The following ITGA11 variants were observed in gnomAD, a reference collection of about 807,000 sequenced individuals.
The protein encoded by ITGA11 is integrin alpha-11.
ITGA11 carries 97 observed loss-of-function variants against 141.9 expected under a neutral mutation model. The observed-to-expected ratio is 0.68, with a 90% confidence interval of 0.58 to 0.81. The LOEUF (loss-of-function observed/expected upper bound fraction) is 0.81, where lower values mean the gene tolerates loss of function less well. ITGA11 is among the 30% of genes least tolerant of loss of function. The pLI, the probability that ITGA11 is intolerant of heterozygous loss-of-function variation, is 0.00. For synonymous variants in ITGA11, 658 were observed against 624.6 expected, an observed-to-expected ratio of 1.05 and a Z score of -0.80; for missense variants, 1,387 against 1,559.2, an observed-to-expected ratio of 0.89 and a Z score of 1.86.
intron 24 of ITGA11, 130 bp downstream of exon 24, chr15:68,312,643 G>A (rs147103346): frequency 5.7e-5 from 37 of 654,336 alleles, no homozygotes; most frequent in South Asian, 5.5e-4. Flanking sequence ...GACTAAAGTC[G>A]CACAGTGGGT....
chr15:68,325,692 C>T lies in ITGA11; in HGVS notation c.2212-451G>A, dbSNP rs1893952770. On this transcript the variant is annotated intron_variant, in intron 17 of 29. Coordinates refer to ENST00000315757, the MANE Select transcript of ITGA11 (RefSeq NM_001004439.2). This position sits in a 1 kb window ranked among gnomAD's most constrained non-coding sequence, Gnocchi z 5.5. Reference sequence around the variant, plus strand: ...TAGGCCTGGAGCCTCCCAGCATGGCCCTAGCACTGTGATAAGGGCTTCAGC... The same window carrying T: ...TAGGCCTGGAGCCTCCCAGCATGGCTCTAGCACTGTGATAAGGGCTTCAGC... Among the ~76,000 whole-genome samples, 1 of 152,200 alleles carries T rather than the reference C, an allele frequency of 6.6e-6. No individual in the cohort carries two copies. Among genetic ancestry groups the T allele is most frequent in the Non-Finnish European group, 1.5e-5 (1 of 68,038 alleles).
chr15:68,429,713 C>T lies in ITGA11; in HGVS notation c.52+2302G>A, dbSNP rs140362083. Among the ~76,000 whole-genome samples, 28 of 152,320 alleles carry T rather than the reference C, an allele frequency of 1.8e-4. No homozygotes were observed. In the East Asian group the frequency reaches 5.4e-3, roughly 29 times the overall value. ...GCCTGAGGAGTGAACCCAATGATCC[C>T]TGAGACCCTTCTAGTCTTCAAAGTC... is the stretch of plus-strand genomic sequence containing the variant. On this transcript the variant is annotated intron_variant, in intron 1 of 29. Transcript: ENST00000315757.
rs145222645 is a variant in ITGA11, at chr15:68,377,076, G to A, written c.165-7792C>T. Among the ~76,000 whole-genome samples the A allele has an allele frequency of 2.6e-4, 39 of 152,234 alleles. No individual in the cohort carries two copies. The East Asian group carries it at 6.6e-3, about 26-fold the overall frequency. On this transcript the variant is annotated intron_variant, in intron 2 of 29. Transcript: ENST00000315757. ...CCACAGCCATCTCTGACCATCTAGCGCACCCAGATTGATTTTATCTATTTA... is the reference window on the plus strand; with the variant it reads ...CCACAGCCATCTCTGACCATCTAGCACACCCAGATTGATTTTATCTATTTA...
intron 4 of ITGA11, among the ~76,000 whole-genome samples, chr15:68,363,930 A>G (rs1331040190): frequency 2.0e-5 from 3 of 152,154 alleles, no homozygotes; most frequent in African/African-American, 7.2e-5. Flanking sequence ...GTCCTATTAG[A>G]CATTACTCGT....
rs374813712 is a variant in ITGA11, at chr15:68,332,470, A to G, written c.1434T>C (p.Ser478=). The G allele has an allele frequency of 3.8e-5, 62 of 1,612,486 alleles. No individual in the cohort carries two copies. The highest frequency in any genetic ancestry group is 4.9e-5 in the Non-Finnish European group (58 of 1,179,370). The change falls in exon 13 of 30, where the codon TCT becomes TCC. Residue 478 remains serine (S), a synonymous_variant. Coordinates refer to ENST00000315757, the MANE Select transcript of ITGA11 (RefSeq NM_001004439.2). The part of the protein sequence containing the change: ...HQAMRGQQIG[S]YFGSEITSVD... Reference sequence around the variant, plus strand: ...CCGAGGTGATTTCACTCCCAAAGTAAGAGCCTATCTGCGGCACGTGATGGG... The same window carrying G: ...CCGAGGTGATTTCACTCCCAAAGTAGGAGCCTATCTGCGGCACGTGATGGG...
intron 3 of ITGA11, chr15:68,365,054 T>G: frequency 1.2e-6 from 1 of 822,104 alleles, no homozygotes; most frequent in Non-Finnish European, 1.5e-6. Flanking sequence ...TCACCGAGCC[T>G]TCTATCTCCT....
intron 16 of ITGA11, among the ~76,000 whole-genome samples, chr15:68,327,469 GTCTCT>G (rs1018691133): frequency 4.6e-5 from 7 of 152,322 alleles, no homozygotes; most frequent in Non-Finnish European, 7.4e-5. Flanking sequence ...CTTCCCTTTG[GTCTCT>G]TCTTTGTCTG....
Position 68,313,992 on chromosome 15 carries a change from G to C in ITGA11, c.2793-124C>G, listed in dbSNP as rs370711647. The stretch of plus-strand genomic sequence containing the variant: ...TCTGGGGCTGATGGGCACCAGACAG[G>C]CCAGACAGGGAACCTGAGGCATCTC... On this transcript the variant is annotated intron_variant, in intron 22 of 29. Coordinates refer to ENST00000315757, the MANE Select transcript of ITGA11 (RefSeq NM_001004439.2). 4.5e-4 allele frequency: 318 copies of C among 704,578 alleles called. 1 individual carries two copies. The African/African-American group carries it at 5.0e-3, about 11-fold the overall frequency. 43.6% of individuals were successfully genotyped at this position (704,578 alleles called of 1,614,324 possible). A position where few individuals can be genotyped will look rare whatever the true frequency, so the allele number is the denominator to read the frequency against.
Position 68,322,057 on chromosome 15 carries a change from C to T in ITGA11, c.2323-554G>A, listed in dbSNP as rs112321220. 3.2e-4 allele frequency among the ~76,000 whole-genome samples: 49 copies of T among 152,206 alleles called. No individual in the cohort carries two copies. In the East Asian group the frequency reaches 8.3e-3, roughly 26 times the overall value. Reference sequence around the variant, plus strand: ...GGACGGTCAAGGTAGCTGTGTGGACCGGGATGGAGGTGGTGAAGTCCAGGA... The same window carrying T: ...GGACGGTCAAGGTAGCTGTGTGGACTGGGATGGAGGTGGTGAAGTCCAGGA... On this transcript the variant is annotated intron_variant, in intron 18 of 29. Transcript: ENST00000315757. The surrounding 1 kb of genome is among the most constrained non-coding windows in gnomAD (Gnocchi z 5.6).
intron 11 of ITGA11, among the ~76,000 whole-genome samples, chr15:68,337,638 G>A (rs147652909): frequency 6.6e-6 from 1 of 152,154 alleles, no homozygotes; most frequent in Non-Finnish European, 1.5e-5. Context: ...CCCTATCAGG[G>A]TCTTCTGGGA....
intron 1 of ITGA11, among the ~76,000 whole-genome samples, chr15:68,414,334 G>T (rs1018176500): frequency 6.6e-6 from 1 of 152,184 alleles, no homozygotes; most frequent in Non-Finnish European, 1.5e-5. Flanking sequence ...CTGGAGGGCA[G>T]AATGCTAAGG....
chr15:68,302,267 C>T lies in ITGA11; in HGVS notation c.*792G>A, dbSNP rs1893057915. On this transcript the variant is annotated 3_prime_UTR_variant, in exon 30 of 30. Transcript: ENST00000315757. ...GGGATTGTGTCATCCACATGCTTCCCATGAGGTACCTGGGAACAAAAGTGA... is the reference window on the plus strand; with the variant it reads ...GGGATTGTGTCATCCACATGCTTCCTATGAGGTACCTGGGAACAAAAGTGA... 6.6e-6 allele frequency: 1 copy of T among 152,214 alleles called. No homozygotes were observed. The highest frequency in any genetic ancestry group is 2.4e-5 in the African/African-American group (1 of 41,428). 9.4% of individuals were successfully genotyped at this position (152,214 alleles called of 1,614,324 possible).
intron 1 of ITGA11, among the ~76,000 whole-genome samples, chr15:68,425,558 A>G (rs150420224): frequency 6.6e-6 from 1 of 152,280 alleles, no homozygotes; most frequent in Non-Finnish European, 1.5e-5. Context: ...TTCTGCCTGG[A>G]GGAGGTGGGG....
chr15:68,317,309 G>T lies in ITGA11; in HGVS notation c.2671C>A (p.Gln891Lys), dbSNP rs2271725. 80,229 of 1,612,958 alleles carry T rather than the reference G, an allele frequency of 0.05. 5,570 individuals are homozygous for T. The highest frequency in any genetic ancestry group is 0.28 in the African/African-American group (21,124 of 74,866). The change falls in exon 21 of 30, where the codon CAA becomes AAA. Residue 891 changes from glutamine (Q) to lysine (K), a missense_variant. Transcript: ENST00000315757. ...CVNEERRLQKQVCNVSYPFFR... is the reference protein window; with the variant it reads ...CVNEERRLQKKVCNVSYPFFR... Reference sequence around the variant, plus strand: ...AAGGGATAGCTGACGTTGCAGACTTGCTTCTGGAGCCTCCTCTCCTCGTTC... The same window carrying T: ...AAGGGATAGCTGACGTTGCAGACTTTCTTCTGGAGCCTCCTCTCCTCGTTC...
rs1379447008 is a variant in ITGA11, at chr15:68,357,248, C to T, written c.652G>A (p.Asp218Asn). 11 of 1,613,922 alleles carry T rather than the reference C, an allele frequency of 6.8e-6. No individual in the cohort carries two copies. The highest frequency in any genetic ancestry group is 9.3e-6 in the Non-Finnish European group (11 of 1,179,864). ...ACCACATCTTTTACAGACCTGTAGTCGTTGAGGTGAAACTCATGCACCACA... is the reference window on the plus strand; with the variant it reads ...ACCACATCTTTTACAGACCTGTAGTTGTTGAGGTGAAACTCATGCACCACA... ...EDVVHEFHLN[D>N]YRSVKDVVEA... is the part of the protein sequence containing the mutation. The change falls in exon 7 of 30, where the codon GAC (aspartate) becomes AAC (asparagine). Residue 218 changes from aspartate to asparagine, a missense_variant. Coordinates refer to ENST00000315757, the MANE Select transcript of ITGA11 (RefSeq NM_001004439.2).
At chr15:68,420,645 T>C (rs1296836995) in intron 1 of ITGA11, among the ~76,000 whole-genome samples, 1 of 114,546 alleles carries the variant, frequency 8.7e-6, no homozygotes, top group East Asian at 2.6e-4. Flanking sequence ...GTAAATGGGA[T>C]TTCTAGCAAC....
chr15:68,328,903 C>G lies in ITGA11; in HGVS notation c.1902-641G>C, dbSNP rs1046060998. Reference sequence around the variant, plus strand: ...AGCCAGCATCCATCTAACCCCCACACTACCCCATCCAGGTAACCAAGGAAA... The same window carrying G: ...AGCCAGCATCCATCTAACCCCCACAGTACCCCATCCAGGTAACCAAGGAAA... On this transcript the variant is annotated intron_variant, in intron 15 of 29. Transcript: ENST00000315757. This position sits in a 1 kb window ranked among gnomAD's most constrained non-coding sequence, Gnocchi z 4.8. Among the ~76,000 whole-genome samples, 1 of 152,196 alleles carries G rather than the reference C, an allele frequency of 6.6e-6. No individual in the cohort carries two copies. Among genetic ancestry groups the G allele is most frequent in the Non-Finnish European group, 1.5e-5 (1 of 68,022 alleles).
Position 68,348,915 on chromosome 15 carries a change from CAG to C in ITGA11, c.1061-17_1061-16del, listed in dbSNP as rs1567139226. 1 of 1,598,530 alleles carries C rather than the reference CAG, an allele frequency of 6.3e-7. No individual in the cohort carries two copies. Among genetic ancestry groups the C allele is most frequent in the East Asian group, 2.3e-5 (1 of 44,198 alleles). On this transcript the variant is annotated splice_polypyrimidine_tract_variant and intron_variant, in intron 9 of 29. Coordinates refer to ENST00000315757, the MANE Select transcript of ITGA11 (RefSeq NM_001004439.2). ...CTTGTTGGTGCCTGCAACAGAGTGA[CAG>C]AGAGATGTCAGCTCCATGCCCAATC...
At chr15:68,394,192 A>G (rs900266120) in intron 2 of ITGA11, among the ~76,000 whole-genome samples, 1 of 152,332 alleles carries the variant, frequency 6.6e-6, no homozygotes, top group African/African-American at 2.4e-5. Context: ...CAGACCAATA[A>G]CAAGCAGTGA....
Sources: allele counts gnomAD v4.1 joint callset (sites outside exome capture counted in the v4.1 genomes callset), GRCh38; gene constraint gnomAD v4.1.1; non-coding constraint Gnocchi (gnomAD v3.1); transcripts MANE v1.5; gene names NCBI Gene and HGNC (gene_info 2026-07-23, HGNC 2026-07-21).